Variants in NEK7 observed in about 807,000 individuals in gnomAD.
NEK7 encodes the protein NIMA related kinase 7, also known as serine/threonine-protein kinase Nek7.
In NEK7, 18 loss-of-function variants were observed where a neutral mutation model predicts 44.6. That is an observed-to-expected ratio of 0.40 (90% confidence interval 0.28 to 0.60). NEK7 has a LOEUF of 0.60. Among genes scored for constraint, NEK7 ranks in the 20% least tolerant of loss-of-function variants. The probability of loss-of-function intolerance (pLI) is 0.38; values close to 1 mark genes in which losing one functional copy is unlikely to be tolerated. For missense variants in NEK7, 256 were observed against 366.5 expected, an observed-to-expected ratio of 0.70 and a Z score of 2.46; for synonymous variants, 130 against 121.1, an observed-to-expected ratio of 1.07 and a Z score of -0.48.
intron 2 of NEK7, among the ~76,000 whole-genome samples, chr1:198,249,737 T>A (rs1249730584): frequency 2.1e-5 from 3 of 144,624 alleles, no homozygotes; most frequent in Non-Finnish European, 4.5e-5. Flanking sequence ...TGGGGTTGTT[T>A]GTTTTTTTCT....
chr1:198,314,355 C>T (rs551102078), intron 9 of NEK7, among the ~76,000 whole-genome samples: 126 of 152,182 alleles, frequency 8.3e-4, no homozygotes, highest in Non-Finnish European at 1.5e-3. Context: ...TCAAAGTTTT[C>T]AACTTCTTTG....
intron 3 of NEK7, among the ~76,000 whole-genome samples, chr1:198,254,841 C>G (rs1384967646): frequency 6.6e-6 from 1 of 152,120 alleles, no homozygotes; most frequent in Non-Finnish European, 1.5e-5. Context: ...CTTAAGAAAA[C>G]ACAATATGGG....
chr1:198,160,214 G>A (rs1664062635), intron 1 of NEK7, among the ~76,000 whole-genome samples: 1 of 152,084 alleles, frequency 6.6e-6, no homozygotes, highest in Non-Finnish European at 1.5e-5. Context: ...TGAGAACTGG[G>A]CCTGAGAGCA....
At chr1:198,315,907 C>T (rs1428311304) in intron 9 of NEK7, among the ~76,000 whole-genome samples, 1 of 152,128 alleles carries the variant, frequency 6.6e-6, no homozygotes, top group East Asian at 1.9e-4. Flanking sequence ...AGGCTGGAGA[C>T]AGATAACCTG....
chr1:198,256,004 G>A (rs960736170), intron 3 of NEK7, among the ~76,000 whole-genome samples: 1 of 151,830 alleles, frequency 6.6e-6, no homozygotes, highest in Non-Finnish European at 1.5e-5. Context: ...CCTTTTTGAA[G>A]AATGCTAACC....
intron 2 of NEK7, among the ~76,000 whole-genome samples, chr1:198,248,747 G>C (rs1296382854): frequency 6.6e-6 from 1 of 152,026 alleles, no homozygotes; most frequent in Non-Finnish European, 1.5e-5. Context: ...TCAACTCAAA[G>C]ATCTTTTCAA....
chr1:198,316,254 T>A (rs1026383409), intron 9 of NEK7, among the ~76,000 whole-genome samples: 2 of 152,180 alleles, frequency 1.3e-5, no homozygotes, highest in African/African-American at 4.8e-5. Context: ...TGTGCTTACA[T>A]TTCTGATGTG....
chr1:198,252,545 T>TATATATAC (rs1454580448), intron 2 of NEK7, among the ~76,000 whole-genome samples: 2 of 58,194 alleles, frequency 3.4e-5, no homozygotes, highest in African/African-American at 1.5e-4. Context: ...TATATATATA[T>TATATATAC]ATATATATAT....
intron 2 of NEK7, among the ~76,000 whole-genome samples, chr1:198,237,328 C>T (rs1191798583): frequency 2.0e-5 from 3 of 152,104 alleles, no homozygotes; most frequent in African/African-American, 4.8e-5. Context: ...ACCTCTGCCC[C>T]GAATTCCAAA....
At chr1:198,256,639 C>A in intron 3 of NEK7, 1 of 910,800 alleles carries the variant, frequency 1.1e-6, no homozygotes, top group Non-Finnish European at 1.6e-6. Flanking sequence ...GTTTATTGGT[C>A]AGTGTCTAAG....
chr1:198,216,080 A>G (rs139428959), intron 1 of NEK7, among the ~76,000 whole-genome samples: 2 of 152,250 alleles, frequency 1.3e-5, no homozygotes, highest in African/African-American at 2.4e-5. Flanking sequence ...AAATGAACCT[A>G]ATAGATATTC....
intron 1 of NEK7, among the ~76,000 whole-genome samples, chr1:198,187,962 G>C (rs1205508931): frequency 6.6e-6 from 1 of 152,196 alleles, no homozygotes; most frequent in African/African-American, 2.4e-5. Context: ...GGAGGAATCT[G>C]GCTCTATAGA....
chr1:198,304,923 A>G (rs1654982194), intron 9 of NEK7, among the ~76,000 whole-genome samples: 1 of 152,008 alleles, frequency 6.6e-6, no homozygotes, highest in Non-Finnish European at 1.5e-5. Context: ...AATTTTTGTG[A>G]AGCATCTGAA....
intron 5 of NEK7, among the ~76,000 whole-genome samples, chr1:198,269,978 A>G (rs1294226179): frequency 6.6e-6 from 1 of 152,056 alleles, no homozygotes; most frequent in Non-Finnish European, 1.5e-5. Context: ...TGTGTATGCC[A>G]TATATTTTCT....
intron 9 of NEK7, among the ~76,000 whole-genome samples, chr1:198,317,089 A>G (rs1388417848): frequency 2.0e-5 from 3 of 152,218 alleles, no homozygotes; most frequent in African/African-American, 7.2e-5. Context: ...ATAATTGAGG[A>G]AAAGTTATCA....
intron 1 of NEK7, among the ~76,000 whole-genome samples, chr1:198,166,147 T>G (rs986558043): frequency 4.6e-5 from 7 of 152,232 alleles, no homozygotes; most frequent in Non-Finnish European, 1.0e-4. Context: ...CGCTAAAACT[T>G]TCTCTGTCTC....
chr1:198,173,051 C>A (rs1383268336), intron 1 of NEK7, among the ~76,000 whole-genome samples: 1 of 152,122 alleles, frequency 6.6e-6, no homozygotes, highest in African/African-American at 2.4e-5. Context: ...GCTCTGGTGT[C>A]ATCAGTAGAG....
intron 1 of NEK7, among the ~76,000 whole-genome samples, chr1:198,222,383 A>G (rs1666096657): frequency 6.6e-6 from 1 of 152,154 alleles, no homozygotes; most frequent in African/African-American, 2.4e-5. Flanking sequence ...AAGAAATTTG[A>G]ATATTATAAA....
chr1:198,163,274 C>G (rs571710444), intron 1 of NEK7, among the ~76,000 whole-genome samples: 1 of 152,162 alleles, frequency 6.6e-6, no homozygotes, highest in Non-Finnish European at 1.5e-5. Context: ...GGGAAGATTG[C>G]TTGAGACCTG....
Sources: gnomAD v4.1 joint callset for allele counts (sites outside exome capture counted in the v4.1 genomes callset) on GRCh38, gnomAD v4.1.1 for gene constraint, MANE v1.5 for transcripts, NCBI Gene and HGNC (gene_info 2026-07-23, HGNC 2026-07-21) for gene names.